The following GABARAPL1 variants were observed in gnomAD, a reference collection of about 807,000 sequenced individuals.
The protein encoded by GABARAPL1 is GABA type A receptor associated protein like 1, also known as gamma-aminobutyric acid receptor-associated protein-like 1.
In GABARAPL1, 4 loss-of-function variants were observed where a neutral mutation model predicts 14.5. The ratio of observed to expected loss-of-function variants is 0.28; its 90% confidence interval spans 0.14 to 0.63. The LOEUF is 0.63. Among genes scored for constraint, GABARAPL1 ranks in the 30% least tolerant of loss-of-function variants. The pLI is 0.84. For synonymous variants in GABARAPL1, 47 were observed against 50.6 expected (o/e 0.93, Z 0.30); for missense variants, 82 against 139.2 (o/e 0.59, Z 2.07).
At chr12:10,213,494 G>T in intron 1 of GABARAPL1, 1 of 437,336 alleles carries the variant, frequency 2.3e-6, no homozygotes, top group Non-Finnish European at 4.3e-6. Context: ...ACCCACACAC[G>T]GTCTCAGCAG....
In GABARAPL1 at chr12:10,212,976, C is replaced by A. The variant is rs1445250084; in HGVS notation, c.-154C>A. On this transcript the variant is annotated 5_prime_UTR_variant, in exon 1 of 4. Transcript: ENST00000266458. Reference sequence around the variant, plus strand: ...TCACCCGAGATCCCCGCCCCGAACCCCCCCTGCACACTCGGCCCAGCGCTG... The same window carrying A: ...TCACCCGAGATCCCCGCCCCGAACCACCCCTGCACACTCGGCCCAGCGCTG... 1.8e-5 allele frequency: 11 copies of A among 599,756 alleles called. No homozygotes were observed. Among genetic ancestry groups the A allele is most frequent in the Middle Eastern group, 4.0e-4 (1 of 2,500 alleles). The allele number at this position is 599,756 out of a possible 1,614,324, so 37.2% of individuals were successfully genotyped here.
chr12:10,213,832 C>T, intron 1 of GABARAPL1: 1 of 455,954 alleles, frequency 2.2e-6, no homozygotes, highest in Non-Finnish European at 4.4e-6. Flanking sequence ...CCTCATCGTT[C>T]TAGGCTCCGG....
intron 1 of GABARAPL1, among the ~76,000 whole-genome samples, chr12:10,216,222 T>TAA (rs1949087428): frequency 6.6e-6 from 1 of 151,834 alleles, no homozygotes; most frequent in Non-Finnish European, 1.5e-5. Context: ...AATACAAAAA[T>TAA]TAGCCGGGCG....
At chr12:10,220,653 G>A in intron 3 of GABARAPL1, 95 bp downstream of exon 3, 2 of 1,585,002 alleles carry the variant, frequency 1.3e-6, no homozygotes, top group Non-Finnish European at 1.7e-6. Flanking sequence ...CATCTGAGAA[G>A]TGGGGCAGAA....
chr12:10,221,678 G>T, intron 3 of GABARAPL1, 109 bp from the exon 4 acceptor site: 1 of 1,249,266 alleles, frequency 8.0e-7, no homozygotes, highest in Non-Finnish European at 1.1e-6. Flanking sequence ...TTTTAAATGG[G>T]GACTAATGAT....
chr12:10,216,624 C>T (rs1200940187), intron 1 of GABARAPL1, among the ~76,000 whole-genome samples: 1 of 148,472 alleles, frequency 6.7e-6, no homozygotes, highest in Non-Finnish European at 1.5e-5. Flanking sequence ...ACCGCAACCT[C>T]TGCCTCCCAG....
In GABARAPL1 at chr12:10,223,120, C is replaced by T. The variant is rs1418043829; in HGVS notation, c.*1268C>T. The T allele has an allele frequency of 6.6e-6, 1 of 152,380 alleles. No homozygotes were observed. The highest frequency in any genetic ancestry group is 1.5e-5 in the Non-Finnish European group (1 of 68,016). 9.4% of individuals were successfully genotyped at this position (152,380 alleles called of 1,614,324 possible). A position where few individuals can be genotyped will look rare whatever the true frequency, so the allele number is the denominator to read the frequency against. On this transcript the variant is annotated 3_prime_UTR_variant, in exon 4 of 4. Coordinates refer to ENST00000266458, the MANE Select transcript of GABARAPL1 (RefSeq NM_031412.4). ...GCCAAGGAAATAAAATAATTGCTTA[C>T]CTTAAAAATCCACTGAGTTCAGCAA...
At chr12:10,218,319 A>G (rs1235876778) in intron 2 of GABARAPL1, among the ~76,000 whole-genome samples, 178 bp downstream of exon 2, 1 of 152,226 alleles carries the variant, frequency 6.6e-6, no homozygotes, top group East Asian at 1.9e-4. Flanking sequence ...CACGCCTGTA[A>G]TCCCAGCACT....
At position 10,220,493 on chromosome 12, in the gene GABARAPL1, G is replaced by T; in HGVS notation, c.223G>T (p.Ala75Ser). ...RKRIHLRPEDALFFFVNNTIP... is the reference protein window; with the variant it reads ...RKRIHLRPEDSLFFFVNNTIP... ...GAGAATCCACCTGAGACCTGAGGAC[G>T]CCTTATTCTTCTTTGTCAACAACAC... Residue 75 changes from alanine to serine, a missense_variant, in exon 3 of 4, where the codon GCC becomes TCC. By Grantham distance (99) the Ala-to-Ser change is moderately conservative (BLOSUM62 1). Around this residue, in one of 3 missense-constraint regions of GABARAPL1, gnomAD observed 65 missense variants for 103.7 expected, o/e 0.63. Transcript: ENST00000266458. 6.2e-7 allele frequency: 1 copy of T among 1,613,562 alleles called. No individual in the cohort carries two copies. Among genetic ancestry groups the T allele is most frequent in the Non-Finnish European group, 8.5e-7 (1 of 1,179,994 alleles).
chr12:10,217,578 A>G (rs947911442), intron 1 of GABARAPL1, among the ~76,000 whole-genome samples: 5 of 152,158 alleles, frequency 3.3e-5, no homozygotes, highest in African/African-American at 1.2e-4. Flanking sequence ...TTAAAAATAC[A>G]AATACTTAGC....
At position 10,213,096 on chromosome 12, in the gene GABARAPL1, C is replaced by T; in HGVS notation, c.-34C>T. On this transcript the variant is annotated 5_prime_UTR_variant, in exon 1 of 4. Transcript: ENST00000266458. ...GGGTCAGCGGCGAAGGAGGCAGGCC[C>T]CGCGCGGGGATCTCGGAAGCCCTGC... The T allele has an allele frequency of 4.3e-6, 6 of 1,393,584 alleles. No homozygotes were observed. Among genetic ancestry groups the T allele is most frequent in the Non-Finnish European group, 6.0e-6 (6 of 996,954 alleles). 86.3% of individuals were successfully genotyped at this position (1,393,584 alleles called of 1,614,324 possible).
At position 10,221,944 on chromosome 12, in the gene GABARAPL1, C is replaced by T. The variant is rs566165428; in HGVS notation, c.*92C>T. ...CATGGGGAAAGAGGGTGGCTCCCAC[C>T]GCAAGGAGACAGAAGGTGAAGACAT... On this transcript the variant is annotated 3_prime_UTR_variant, in exon 4 of 4. Coordinates refer to ENST00000266458, the MANE Select transcript of GABARAPL1 (RefSeq NM_031412.4). The T allele has an allele frequency of 3.0e-5, 32 of 1,063,486 alleles. No homozygotes were observed. Among genetic ancestry groups the T allele is most frequent in the South Asian group, 1.4e-4 (11 of 77,494 alleles). The allele number at this position is 1,063,486 out of a possible 1,614,324, so 65.9% of individuals were successfully genotyped here.
chr12:10,221,850 T>C lies in GABARAPL1; in HGVS notation c.352T>C (p.Ter118ArgextTer15), dbSNP rs746657006. ...AYSDESVYGK[*>R] ...CAGTGATGAGAGTGTCTATGGGAAA[T>C]GAGTGGTTGGAAGCCCAGCAGATGG... Residue 118 changes from the stop codon to arginine, a stop_lost, in exon 4 of 4, where the codon TGA (stop) becomes CGA (arginine). Transcript: ENST00000266458. 1 of 1,613,732 alleles carries C rather than the reference T, an allele frequency of 6.2e-7. No individual in the cohort carries two copies. Among genetic ancestry groups the C allele is most frequent in the African/African-American group, 1.3e-5 (1 of 74,952 alleles).
At chr12:10,220,641 C>G (rs1238606140) in intron 3 of GABARAPL1, 83 bp downstream of exon 3, 1 of 1,599,426 alleles carries the variant, frequency 6.3e-7, no homozygotes, top group African/African-American at 1.3e-5. Context: ...GCGTTGATAA[C>G]ACATCTGAGA....
intron 1 of GABARAPL1, 111 bp downstream of exon 1, chr12:10,213,330 C>A: frequency 1.4e-6 from 1 of 727,238 alleles, no homozygotes; most frequent in South Asian, 1.5e-5. Flanking sequence ...AAGGGAGGTT[C>A]CGAGAATTAC....
intron 1 of GABARAPL1, chr12:10,213,797 C>T (rs1170505328): frequency 2.2e-6 from 1 of 455,314 alleles, no homozygotes. Context: ...AACAAGGTCA[C>T]GTTCTCTGCC....
intron 1 of GABARAPL1, among the ~76,000 whole-genome samples, chr12:10,216,018 T>C (rs73264708): frequency 0.025 from 3,829 of 152,174 alleles, 165 homozygotes; most frequent in African/African-American, 0.087. Flanking sequence ...TAAAATGTTA[T>C]TTATTACTCA....
In GABARAPL1 at chr12:10,220,498, ATTC is replaced by A; in HGVS notation, c.234_236del (p.Phe79del). On this transcript the variant is annotated inframe_deletion, in exon 3 of 4. Coordinates refer to ENST00000266458, the MANE Select transcript of GABARAPL1 (RefSeq NM_031412.4). ...TCCACCTGAGACCTGAGGACGCCTT[ATTC>A]TTCTTTGTCAACAACACCATCCCTC... 1 of 1,613,754 alleles carries A rather than the reference ATTC, an allele frequency of 6.2e-7. No individual in the cohort carries two copies. The highest frequency in any genetic ancestry group is 1.3e-5 in the African/African-American group (1 of 75,008).
At position 10,222,995 on chromosome 12, in the gene GABARAPL1, A is replaced by G. The variant is rs1592007241; in HGVS notation, c.*1143A>G. The G allele has an allele frequency of 6.6e-6, 1 of 152,614 alleles. No homozygotes were observed. 9.5% of individuals were successfully genotyped at this position (152,614 alleles called of 1,614,324 possible). A position where few individuals can be genotyped will look rare whatever the true frequency, so the allele number is the denominator to read the frequency against. Reference sequence around the variant, plus strand: ...AATTGCACTCAGACATGACATTTCAATTCATCTCTGCTAATGAAAAGGGTT... The same window carrying G: ...AATTGCACTCAGACATGACATTTCAGTTCATCTCTGCTAATGAAAAGGGTT... On this transcript the variant is annotated 3_prime_UTR_variant, in exon 4 of 4. Coordinates refer to ENST00000266458, the MANE Select transcript of GABARAPL1 (RefSeq NM_031412.4).
Sources: gnomAD v4.1 joint callset for allele counts (sites outside exome capture counted in the v4.1 genomes callset) on GRCh38, gnomAD v4.1.1 for gene constraint, gnomAD v4.1.1 regional missense constraint, MANE v1.5 for transcripts, NCBI Gene and HGNC (gene_info 2026-07-23, HGNC 2026-07-21) for gene names.